The following EYS variants were observed in gnomAD, a reference collection of about 807,000 sequenced individuals.
EYS encodes the protein EGF-like photoreceptor maintenance factor.
EYS carries 250 observed loss-of-function variants against 282.1 expected under a neutral mutation model. That is an observed-to-expected ratio of 0.89 (90% CI 0.80 to 0.98). The LOEUF (loss-of-function observed/expected upper bound fraction) is 0.98. EYS is among the 50% of genes least tolerant of loss of function. EYS has a pLI of 0.00. For missense variants in EYS, 4,016 were observed against 3,709.0 expected (o/e 1.08, Z -2.15); for synonymous variants, 1,355 against 1,282.9 (o/e 1.06, Z -1.20).
chr6:64,053,306 T>C (rs970115236), intron 33 of EYS, among the ~76,000 whole-genome samples: 4 of 152,130 alleles, frequency 2.6e-5, no homozygotes, highest in East Asian at 1.9e-4. Context: ...ACATTTTTAA[T>C]TTTTATTACA....
At chr6:64,108,692 CCACA>C (rs1297316085) in intron 31 of EYS, among the ~76,000 whole-genome samples, 1 of 151,482 alleles carries the variant, frequency 6.6e-6, no homozygotes, top group East Asian at 1.9e-4. Flanking sequence ...AGAATGACTC[CCACA>C]CAGAGGTTCT....
intron 26 of EYS, among the ~76,000 whole-genome samples, chr6:64,530,447 T>G (rs1345828488): frequency 2.6e-5 from 4 of 151,984 alleles, no homozygotes; most frequent in Non-Finnish European, 5.9e-5. Context: ...TATATTAAAA[T>G]TTTGTTTGGT....
chr6:65,422,960 C>G (rs912718200), intron 5 of EYS, among the ~76,000 whole-genome samples: 1 of 151,656 alleles, frequency 6.6e-6, no homozygotes, highest in Admixed American at 6.6e-5. Context: ...TGTCCATCAT[C>G]ATTATAACAT....
chr6:64,891,779 C>T (rs1767299726), intron 18 of EYS, among the ~76,000 whole-genome samples: 1 of 151,956 alleles, frequency 6.6e-6, no homozygotes, highest in African/African-American at 2.4e-5. Flanking sequence ...TTTGATAAAA[C>T]TCAATATTCA....
intron 1 of EYS, among the ~76,000 whole-genome samples, chr6:65,704,221 ACAGTG>A (rs945647536): frequency 1.3e-5 from 2 of 152,240 alleles, no homozygotes; most frequent in African/African-American, 4.8e-5. Flanking sequence ...GCTCACAAAT[ACAGTG>A]CATAGCACAT....
rs138855975 is a variant in EYS, at chr6:64,062,511, G to A, written c.6725+3827C>T. Among the ~76,000 whole-genome samples, 371 of 152,090 alleles carry A rather than the reference G, an allele frequency of 2.4e-3. 5 individuals are homozygous for A. The East Asian group carries it at 0.031, about 13-fold the overall frequency. ...GATCAAGACCAACCTGGCCAACATGGCAAAACCCCCTCTCTACTAAAAACA... is the reference window on the plus strand; with the variant it reads ...GATCAAGACCAACCTGGCCAACATGACAAAACCCCCTCTCTACTAAAAACA... On this transcript the variant is annotated intron_variant, in intron 33 of 42. Coordinates refer to ENST00000503581, the MANE Select transcript of EYS (RefSeq NM_001142800.2).
intron 31 of EYS, among the ~76,000 whole-genome samples, chr6:64,143,185 C>A (rs1307382942): frequency 6.6e-6 from 1 of 151,872 alleles, no homozygotes; most frequent in Non-Finnish European, 1.5e-5. Context: ...GATGAATAGA[C>A]CTTGCACAGA....
intron 28 of EYS, among the ~76,000 whole-genome samples, chr6:64,406,974 A>G (rs1473031887): frequency 2.6e-5 from 4 of 152,240 alleles, no homozygotes; most frequent in Non-Finnish European, 4.4e-5. Context: ...ATAATAAATC[A>G]TTCTACTATA....
chr6:64,959,656 G>C (rs532886503), intron 14 of EYS, among the ~76,000 whole-genome samples: 1 of 152,174 alleles, frequency 6.6e-6, no homozygotes, highest in East Asian at 1.9e-4. Flanking sequence ...TTTGAACTCA[G>C]TGATTTTTTT....
chr6:65,554,906 T>C (rs1042383465), intron 2 of EYS, among the ~76,000 whole-genome samples: 1 of 152,192 alleles, frequency 6.6e-6, no homozygotes, highest in African/African-American at 2.4e-5. Context: ...CAACATATAT[T>C]TCACTACAAA....
intron 30 of EYS, among the ~76,000 whole-genome samples, chr6:64,232,490 A>G (rs1766454145): frequency 6.6e-6 from 1 of 152,118 alleles, no homozygotes; most frequent in Admixed American, 6.5e-5. Flanking sequence ...CCCGGGTTCA[A>G]GCAGTTCTCC....
chr6:64,570,660 C>A (rs191092495), intron 26 of EYS, among the ~76,000 whole-genome samples: 8 of 151,946 alleles, frequency 5.3e-5, no homozygotes, highest in African/African-American at 1.9e-4. Context: ...AGACTTTAAA[C>A]CAACAAAGAT....
chr6:65,057,208 T>C (rs1488602951), intron 13 of EYS, among the ~76,000 whole-genome samples: 1 of 151,940 alleles, frequency 6.6e-6, no homozygotes, highest in Non-Finnish European at 1.5e-5. Flanking sequence ...AGAAATACCA[T>C]CAAAGTTGAA....
chr6:63,922,339 G>A (rs967223957), intron 35 of EYS, among the ~76,000 whole-genome samples: 4 of 152,208 alleles, frequency 2.6e-5, no homozygotes, highest in Non-Finnish European at 4.4e-5. Flanking sequence ...GAAGCAGGCA[G>A]ATCTCTTGAA....
intron 26 of EYS, among the ~76,000 whole-genome samples, chr6:64,579,392 CAAGAT>C (rs1276682699): frequency 2.6e-5 from 4 of 152,126 alleles, no homozygotes; most frequent in African/African-American, 9.7e-5. Flanking sequence ...GAACCTGAGC[CAAGAT>C]AGTCTTTGCC....
intron 35 of EYS, among the ~76,000 whole-genome samples, chr6:63,961,569 C>T (rs572688551): frequency 2.6e-5 from 4 of 152,258 alleles, no homozygotes; most frequent in East Asian, 1.9e-4. Context: ...GTGAAATAAA[C>T]AGCTTTATTG....
At chr6:64,600,829 C>A (rs182537945) in intron 24 of EYS, among the ~76,000 whole-genome samples, 1 of 152,038 alleles carries the variant, frequency 6.6e-6, no homozygotes, top group Non-Finnish European at 1.5e-5. Context: ...ATACATATTT[C>A]TTTTTCCCTT....
At chr6:65,482,693 C>T (rs1765650231) in intron 5 of EYS, among the ~76,000 whole-genome samples, 1 of 152,162 alleles carries the variant, frequency 6.6e-6, no homozygotes, top group Non-Finnish European at 1.5e-5. Flanking sequence ...TTACACTATT[C>T]TCTACTAGTC....
chr6:65,411,892 A>T (rs1030453733), intron 5 of EYS, among the ~76,000 whole-genome samples: 4 of 150,792 alleles, frequency 2.7e-5, no homozygotes, highest in Non-Finnish European at 5.9e-5. Context: ...CCATTCACTT[A>T]TTGAAGGACA....
Sources: gnomAD v4.1 joint callset for allele counts (sites outside exome capture counted in the v4.1 genomes callset) on GRCh38, gnomAD v4.1.1 for gene constraint, MANE v1.5 for transcripts, NCBI Gene and HGNC (gene_info 2026-07-23, HGNC 2026-07-21) for gene names.